RIT1: variants seen among roughly 807,000 people sequenced by gnomAD.
The protein encoded by RIT1 is GTP-binding protein Rit1.
RIT1 carries 6 observed loss-of-function variants against 25.6 expected under a neutral mutation model. That is an observed-to-expected ratio of 0.23 (90% CI 0.13 to 0.46). RIT1 has a LOEUF of 0.46. RIT1 is among the 20% of genes least tolerant of loss of function. The probability of loss-of-function intolerance (pLI) is 0.99; values close to 1 mark genes in which losing one functional copy is unlikely to be tolerated. For synonymous variants in RIT1, 81 were observed against 94.1 expected (o/e 0.86, Z 0.80); for missense variants, 219 against 284.4 (o/e 0.77, Z 1.65).
Position 155,903,493 on chromosome 1 carries a change from G to A in RIT1, c.429+818C>T, listed in dbSNP as rs571671627. Among the ~76,000 whole-genome samples, 97 of 151,196 alleles carry A rather than the reference G, an allele frequency of 6.4e-4. 3 individuals carry two copies. In the South Asian group the frequency reaches 0.019, roughly 29 times the overall value. On this transcript the variant is annotated intron_variant, in intron 5 of 5. Transcript: ENST00000368323. ...AAAAAAAGAAAGAAACACAAAGGGAGGGAAAGAGATATATGCTTACACTAA... is the reference window on the plus strand; with the variant it reads ...AAAAAAAGAAAGAAACACAAAGGGAAGGAAAGAGATATATGCTTACACTAA...
chr1:155,908,222 AAGGC>A, intron 3 of RIT1, among the ~76,000 whole-genome samples: 1 of 148,556 alleles, frequency 6.7e-6, no homozygotes, highest in Middle Eastern at 3.7e-3. Flanking sequence ...TTGGGAGGCC[AAGGC>A]AGACAGATCA....
chr1:155,899,450 G>GA lies in RIT1; in HGVS notation c.*937dup, dbSNP rs961014686. 3 of 225,418 alleles carry GA rather than the reference G, an allele frequency of 1.3e-5. No individual in the cohort carries two copies. Among genetic ancestry groups the GA allele is most frequent in the Admixed American group, 5.7e-5 (1 of 17,480 alleles). The allele number at this position is 225,418 out of a possible 1,614,324, so 14.0% of individuals were successfully genotyped here. ...AAAATGCAATCAGTGATGAAGGGCC[G>GA]AAAAAACATCTTGCCAGCTGTAGCT... On this transcript the variant is annotated 3_prime_UTR_variant, in exon 6 of 6. Coordinates refer to ENST00000368323, the MANE Select transcript of RIT1 (RefSeq NM_006912.6).
chr1:155,900,538 A>G lies in RIT1; in HGVS notation c.510T>C (p.Tyr170=), dbSNP rs765624804. Residue 170 remains tyrosine (Y), a synonymous_variant, in exon 6 of 6, where the codon TAT becomes TAC. Transcript: ENST00000368323. ...CAAGGGCATGGAAAACATCATCAAT[A>G]TAGTAGCGGTATGCAGCAGATGTCT... ...FFETSAAYRY[Y]IDDVFHALVR... is the part of the protein sequence containing the mutation. The G allele has an allele frequency of 1.9e-5, 30 of 1,614,042 alleles. No individual in the cohort carries two copies. Among genetic ancestry groups the G allele is most frequent in the Non-Finnish European group, 2.5e-5 (29 of 1,180,028 alleles).
chr1:155,903,263 G>A (rs974678450), intron 5 of RIT1, among the ~76,000 whole-genome samples: 1 of 150,696 alleles, frequency 6.6e-6, no homozygotes, highest in African/African-American at 2.4e-5. Context: ...GCCACTGCAC[G>A]CCAGCCTGGG....
At chr1:155,908,177 C>T (rs1000198460) in intron 3 of RIT1, among the ~76,000 whole-genome samples, 6 of 151,176 alleles carry the variant, frequency 4.0e-5, no homozygotes, top group Non-Finnish European at 7.4e-5. Flanking sequence ...AAGACGCGGC[C>T]GGGCACGGTG....
chr1:155,905,243 C>A (rs754551605), intron 3 of RIT1, among the ~76,000 whole-genome samples: 1 of 151,760 alleles, frequency 6.6e-6, no homozygotes, highest in Non-Finnish European at 1.5e-5. Context: ...GTCACCCAGG[C>A]TGGAGTGCAG....
At chr1:155,908,297 T>C (rs1454590870) in intron 3 of RIT1, among the ~76,000 whole-genome samples, 1 of 151,124 alleles carries the variant, frequency 6.6e-6, no homozygotes, top group African/African-American at 2.4e-5. Context: ...CTACTAAAGG[T>C]ACAAAAAATT....
chr1:155,908,597 T>C (rs1341878338), intron 3 of RIT1, among the ~76,000 whole-genome samples: 2 of 151,216 alleles, frequency 1.3e-5, no homozygotes, highest in East Asian at 3.9e-4. Flanking sequence ...AAGCTTGCTC[T>C]TATCCCCCAG....
At chr1:155,910,909 ACT>A (rs1412321316) in intron 1 of RIT1, 105 bp from the exon 2 acceptor site, 1 of 1,556,254 alleles carries the variant, frequency 6.4e-7, no homozygotes, top group East Asian at 2.4e-5. Context: ...TGTCCCTCTT[ACT>A]CTGGCCTGTC....
At chr1:155,901,880 A>AGCAG (rs1313229321) in intron 5 of RIT1, among the ~76,000 whole-genome samples, 5 of 151,848 alleles carry the variant, frequency 3.3e-5, no homozygotes, top group African/African-American at 9.7e-5. Flanking sequence ...GGGAGGCTGA[A>AGCAG]GCAGGCAGGC....
intron 3 of RIT1, among the ~76,000 whole-genome samples, chr1:155,907,309 G>A (rs190748168): frequency 3.4e-4 from 51 of 149,230 alleles, no homozygotes; most frequent in Admixed American, 1.1e-3. Flanking sequence ...GTGCAATCTC[G>A]GCTCACTGCA....
At position 155,910,833 on chromosome 1, in the gene RIT1, C is replaced by T. The variant is rs550645403; in HGVS notation, c.-43-29G>A. On this transcript the variant is annotated intron_variant, in intron 1 of 5. Coordinates refer to ENST00000368323, the MANE Select transcript of RIT1 (RefSeq NM_006912.6). ...GAAAAGGAGGAGGAAATGCTTAATC[C>T]AGGATGGAGACACCACGGCGACAGC... The T allele has an allele frequency of 4.3e-6, 7 of 1,612,758 alleles. No homozygotes were observed. The East Asian group carries it at 1.6e-4, about 36-fold the overall frequency.
chr1:155,900,752 TG>T (rs1293866933), intron 5 of RIT1, 134 bp from the exon 6 acceptor site: 1 of 675,708 alleles, frequency 1.5e-6, no homozygotes, highest in Non-Finnish European at 2.5e-6. Context: ...CACTAATTTT[TG>T]TAATTTTAGG....
At chr1:155,908,104 A>AC (rs1475677924) in intron 3 of RIT1, among the ~76,000 whole-genome samples, 2 of 150,272 alleles carry the variant, frequency 1.3e-5, no homozygotes, top group Non-Finnish European at 3.0e-5. Context: ...AAAAAAACAA[A>AC]AAAAAAAATA....
At chr1:155,904,281 T>C (rs899120462) in intron 5 of RIT1, 30 bp downstream of exon 5, 2 of 1,475,454 alleles carry the variant, frequency 1.4e-6, no homozygotes, top group Non-Finnish European at 1.9e-6. Context: ...TGTATAAGAT[T>C]ATAGACAGTA....
At chr1:155,902,369 A>AAG (rs1673328995) in intron 5 of RIT1, among the ~76,000 whole-genome samples, 1 of 151,846 alleles carries the variant, frequency 6.6e-6, no homozygotes, top group East Asian at 1.9e-4. Flanking sequence ...ATCAAAAAAA[A>AAG]AAAAAAGAAA....
intron 5 of RIT1, among the ~76,000 whole-genome samples, chr1:155,902,361 CAA>C (rs199556134): frequency 1.3e-4 from 18 of 137,806 alleles, no homozygotes; most frequent in Admixed American, 7.3e-5. Context: ...GCTTTTATAT[CAA>C]AAAAAAAAAA....
intron 5 of RIT1, among the ~76,000 whole-genome samples, chr1:155,903,734 C>T (rs995894213): frequency 2.0e-5 from 3 of 152,128 alleles, no homozygotes; most frequent in Non-Finnish European, 2.9e-5. Context: ...TCCAGCCAGG[C>T]GCTGTGGCTC....
intron 1 of RIT1, 65 bp from the exon 2 acceptor site, chr1:155,910,869 G>C: frequency 6.3e-7 from 1 of 1,594,066 alleles, no homozygotes; most frequent in Non-Finnish European, 8.5e-7. Context: ...CCTCAAGCCA[G>C]TGCCTTACCT....
Sources: gnomAD v4.1 joint callset for allele counts (sites outside exome capture counted in the v4.1 genomes callset) on GRCh38, gnomAD v4.1.1 for gene constraint, MANE v1.5 for transcripts, NCBI Gene and HGNC (gene_info 2026-07-23, HGNC 2026-07-21) for gene names.